The following KIZ variants were observed in gnomAD, a reference collection of about 807,000 sequenced individuals.
KIZ encodes centrosomal protein kizuna.
A neutral mutation model predicts 79.6 loss-of-function variants in KIZ; 68 were observed. The ratio of observed to expected loss-of-function variants is 0.85; its 90% CI spans 0.70 to 1.05. KIZ has a LOEUF of 1.05. Among genes scored for constraint, KIZ ranks in the 50% least tolerant of loss-of-function variants. The probability of loss-of-function intolerance (pLI) is 0.00; values close to 1 mark genes in which losing one functional copy is unlikely to be tolerated. For missense variants in KIZ, 797 were observed against 800.4 expected, an observed-to-expected ratio of 1.00 and a Z score of 0.05; for synonymous variants, 280 against 281.8, an observed-to-expected ratio of 0.99 and a Z score of 0.06.
intron 1 of KIZ, among the ~76,000 whole-genome samples, chr20:21,127,673 C>G (rs1158044603): frequency 3.3e-5 from 5 of 152,080 alleles, no homozygotes; most frequent in African/African-American, 1.2e-4. Flanking sequence ...TTATAACTAA[C>G]TCAAATTAAT....
At chr20:21,203,590 C>T (rs758626720) in intron 6 of KIZ, among the ~76,000 whole-genome samples, 9 of 152,124 alleles carry the variant, frequency 5.9e-5, no homozygotes, top group Non-Finnish European at 1.0e-4. Context: ...AAAATGGTGA[C>T]TTTTCTAATT....
intron 4 of KIZ, chr20:21,154,336 C>T (rs1287571809): frequency 1.3e-5 from 2 of 152,176 alleles, no homozygotes; most frequent in Non-Finnish European, 2.9e-5. Context: ...GACATCATTA[C>T]AGTTCTAAAC....
chr20:21,156,356 A>G (rs1481488411), intron 4 of KIZ, among the ~76,000 whole-genome samples: 1 of 152,222 alleles, frequency 6.6e-6, no homozygotes, highest in Non-Finnish European at 1.5e-5. Flanking sequence ...AAAATTCAAT[A>G]TAATGTTTAT....
At chr20:21,231,738 T>C (rs1365175607) in intron 10 of KIZ, among the ~76,000 whole-genome samples, 2 of 152,148 alleles carry the variant, frequency 1.3e-5, no homozygotes, top group African/African-American at 4.8e-5. Context: ...CACAGTGTTG[T>C]TAGAAGTAGC....
chr20:21,160,639 C>T (rs1427094591), intron 4 of KIZ, among the ~76,000 whole-genome samples: 1 of 152,126 alleles, frequency 6.6e-6, no homozygotes, highest in Non-Finnish European at 1.5e-5. Flanking sequence ...AATTAAGACA[C>T]CTGTCATTCT....
Position 21,191,228 on chromosome 20 carries a change from T to C in KIZ, c.1353-14263T>C, listed in dbSNP as rs138446144. On this transcript the variant is annotated intron_variant, in intron 6 of 12. Transcript: ENST00000619189. Reference sequence around the variant, plus strand: ...AGTGTTAGCCACTGAATTTAGTGATTATTGCACGTGGAGTAAAAAGAATTG... The same window carrying C: ...AGTGTTAGCCACTGAATTTAGTGATCATTGCACGTGGAGTAAAAAGAATTG... Among the ~76,000 whole-genome samples, 616 of 152,364 alleles carry C rather than the reference T, an allele frequency of 4.0e-3. 4 individuals are homozygous for C. Among genetic ancestry groups the C allele is most frequent in the Non-Finnish European group, 7.2e-3 (487 of 68,034 alleles).
Position 21,169,002 on chromosome 20 carries a change from C to T in KIZ, c.1352+5843C>T, listed in dbSNP as rs915119995. 6.6e-3 allele frequency among the ~76,000 whole-genome samples: 1,007 copies of T among 152,268 alleles called. 10 individuals carry two copies. The highest frequency in any genetic ancestry group is 0.023 in the African/African-American group (940 of 41,562). On this transcript the variant is annotated intron_variant, in intron 6 of 12. Coordinates refer to ENST00000619189, the MANE Select transcript of KIZ (RefSeq NM_018474.6). ...ACCCTAGAAGAAAACCTAGGCAATA[C>T]CATTCAGGCCATAGGCATGGGCAAG... is the stretch of plus-strand genomic sequence containing the variant.
chr20:21,185,407 C>CT (rs1269681079), intron 6 of KIZ, among the ~76,000 whole-genome samples: 1,658 of 131,324 alleles, frequency 0.013, 15 homozygotes, highest in Non-Finnish European at 0.016. Context: ...ATTATTCTAC[C>CT]TTTTTTTTTT....
chr20:21,244,162 T>G, intron 11 of KIZ, 83 bp from the exon 12 acceptor site: 1 of 951,094 alleles, frequency 1.1e-6, no homozygotes, highest in Non-Finnish European at 1.7e-6. Context: ...TCAAAGTGCT[T>G]CTTCTCTAAT....
At chr20:21,178,233 G>C (rs1307606019) in intron 6 of KIZ, among the ~76,000 whole-genome samples, 1 of 151,936 alleles carries the variant, frequency 6.6e-6, no homozygotes, top group Non-Finnish European at 1.5e-5. Flanking sequence ...CCATTTGCTT[G>C]TATCTTCTTT....
chr20:21,136,397 C>T lies in KIZ; in HGVS notation c.160C>T (p.Leu54=). The part of the protein sequence containing the change: ...YNQSDTCRVK[L]KYVKLKNYLK... ...CTGCTTTTAATTTTCTAGAGTTAAGCTGAAATATGTAAAACTAAAGAATTA... is the reference window on the plus strand; with the variant it reads ...CTGCTTTTAATTTTCTAGAGTTAAGTTGAAATATGTAAAACTAAAGAATTA... Residue 54 remains leucine (L), a synonymous_variant, in exon 3 of 13, where the codon CTG becomes TTG. Coordinates refer to ENST00000619189, the MANE Select transcript of KIZ (RefSeq NM_018474.6). 1 of 1,512,922 alleles carries T rather than the reference C, an allele frequency of 6.6e-7. No homozygotes were observed. Among genetic ancestry groups the T allele is most frequent in the Non-Finnish European group, 9.0e-7 (1 of 1,111,992 alleles). 93.7% of individuals were successfully genotyped at this position (1,512,922 alleles called of 1,614,324 possible). A position where few individuals can be genotyped will look rare whatever the true frequency, so the allele number is the denominator to read the frequency against.
At chr20:21,196,350 C>T (rs2035343965) in intron 6 of KIZ, 1 of 152,596 alleles carries the variant, frequency 6.6e-6, no homozygotes, top group Non-Finnish European at 1.5e-5. Flanking sequence ...CACGTTCCTC[C>T]TCCTTAGTGA....
intron 1 of KIZ, among the ~76,000 whole-genome samples, chr20:21,131,623 T>C (rs1039690859): frequency 2.5e-4 from 38 of 152,294 alleles, no homozygotes; most frequent in African/African-American, 8.2e-4. Context: ...TATATACTTA[T>C]CTTGTTTATT....
rs550405284 is a variant in KIZ, at chr20:21,237,973, GCA to G, written c.1880+5146_1880+5147del. Among the ~76,000 whole-genome samples the G allele has an allele frequency of 2.4e-4, 36 of 152,288 alleles. No individual in the cohort carries two copies. The South Asian group carries it at 7.3e-3, about 31-fold the overall frequency. ...GCCTCCCAAGTAGCTGAGACCACAG[GCA>G]CATGCCACCATGCCTGGCTAATTTT... On this transcript the variant is annotated intron_variant, in intron 11 of 12. Transcript: ENST00000619189.
At chr20:21,156,709 G>A (rs2033399446) in intron 4 of KIZ, among the ~76,000 whole-genome samples, 1 of 152,144 alleles carries the variant, frequency 6.6e-6, no homozygotes, top group Admixed American at 6.6e-5. Context: ...AAGAAAGAGC[G>A]TGTCTCTGTG....
intron 4 of KIZ, among the ~76,000 whole-genome samples, chr20:21,146,313 C>G (rs1220704084): frequency 6.6e-6 from 1 of 152,188 alleles, no homozygotes; most frequent in African/African-American, 2.4e-5. Context: ...GAAACCCCCT[C>G]AGCCAGTCGA....
chr20:21,149,548 G>A (rs2033011889), intron 4 of KIZ, among the ~76,000 whole-genome samples: 1 of 152,244 alleles, frequency 6.6e-6, no homozygotes, highest in Non-Finnish European at 1.5e-5. Context: ...GGTATGCAGG[G>A]ATGAGCTCTG....
chr20:21,184,135 A>G (rs1182534634), intron 6 of KIZ, among the ~76,000 whole-genome samples: 1 of 148,968 alleles, frequency 6.7e-6, no homozygotes, highest in Non-Finnish European at 1.5e-5. Context: ...CCTTCTCTGC[A>G]TCCCTGACAT....
At chr20:21,206,517 G>A (rs927955839) in intron 7 of KIZ, among the ~76,000 whole-genome samples, 10 of 152,162 alleles carry the variant, frequency 6.6e-5, no homozygotes, top group African/African-American at 2.4e-4. Flanking sequence ...GAGCCAAAGA[G>A]CACACTGGGA....
Sources: gnomAD v4.1 joint callset for allele counts (sites outside exome capture counted in the v4.1 genomes callset) on GRCh38, gnomAD v4.1.1 for gene constraint, MANE v1.5 for transcripts, NCBI Gene and HGNC (gene_info 2026-07-23, HGNC 2026-07-21) for gene names.